The following VDAC1 variants were observed in gnomAD, a reference collection of about 807,000 sequenced individuals.
VDAC1 encodes voltage dependent anion channel 1.
VDAC1 carries 10 observed loss-of-function variants against 34.7 expected under a neutral mutation model. The ratio of observed to expected loss-of-function variants is 0.29; its 90% confidence interval spans 0.18 to 0.49. VDAC1 has a LOEUF of 0.49. Among genes scored for constraint, VDAC1 ranks in the 20% least tolerant of loss-of-function variants. The probability of loss-of-function intolerance (pLI) is 0.99; values close to 1 mark genes in which losing one functional copy is unlikely to be tolerated. For synonymous variants in VDAC1, 130 were observed against 136.0 expected (o/e 0.96, Z 0.30); for missense variants, 230 against 347.9 (o/e 0.66, Z 2.69).
the VDAC1 span, among the ~76,000 whole-genome samples, chr5:134,013,624 G>A: frequency 6.6e-6 from 1 of 152,094 alleles, no homozygotes; most frequent in South Asian, 2.1e-4. Flanking sequence ...AATTCAACAA[G>A]CAAAAAACAA....
intron 1 of VDAC1, among the ~76,000 whole-genome samples, chr5:134,001,813 T>C (rs573621780): frequency 6.6e-6 from 1 of 151,732 alleles, no homozygotes; most frequent in African/African-American, 2.4e-5. Context: ...ACCTGTGTTA[T>C]GGGCCTAAGC....
At position 133,990,989 on chromosome 5, in the gene VDAC1, C is replaced by G. The variant is rs1753081149; in HGVS notation, c.270+13G>C. ...GAATTAATAAATCCACATCTTTTCA[C>G]AGCAGCCATTACCTGATCTTCCACA... On this transcript the variant is annotated intron_variant, in intron 4 of 8. Coordinates refer to ENST00000265333, the MANE Select transcript of VDAC1 (RefSeq NM_003374.3). 4 of 1,613,448 alleles carry G rather than the reference C, an allele frequency of 2.5e-6. No homozygotes were observed. The highest frequency in any genetic ancestry group is 2.2e-5 in the South Asian group (2 of 91,006).
chr5:134,026,246 G>A, the VDAC1 span, among the ~76,000 whole-genome samples: 16 of 152,204 alleles, frequency 1.1e-4, no homozygotes, highest in African/African-American at 2.4e-4. Context: ...GGTGGCTCAC[G>A]CCTGTAATCC....
the VDAC1 span, among the ~76,000 whole-genome samples, chr5:134,048,061 G>A: frequency 7.9e-5 from 12 of 151,210 alleles, no homozygotes; most frequent in African/African-American, 2.2e-4. Context: ...TCCGCCTCCC[G>A]GGTTCACACC....
the VDAC1 span, among the ~76,000 whole-genome samples, chr5:134,077,676 T>G: frequency 6.6e-6 from 1 of 152,196 alleles, no homozygotes; most frequent in Non-Finnish European, 1.5e-5. Context: ...TACTTTCCAT[T>G]GTACAGAATG....
the VDAC1 span, among the ~76,000 whole-genome samples, chr5:134,030,486 G>C: frequency 1.2e-4 from 18 of 152,304 alleles, no homozygotes; most frequent in African/African-American, 4.3e-4. Context: ...TCCAGTGGCA[G>C]AGAGCTCACC....
At chr5:133,976,070 G>A (rs1158483144) in intron 6 of VDAC1, 49 bp from the exon 7 acceptor site, 1 of 1,611,338 alleles carries the variant, frequency 6.2e-7, no homozygotes, top group Non-Finnish European at 8.5e-7. Context: ...GAGGTGAGCT[G>A]CAGCCCAGAC....
chr5:134,003,356 A>G (rs923473154), intron 1 of VDAC1, among the ~76,000 whole-genome samples: 1 of 152,016 alleles, frequency 6.6e-6, no homozygotes, highest in African/African-American at 2.4e-5. Flanking sequence ...CCTTTCCCCT[A>G]TCTCCCCAGG....
the VDAC1 span, among the ~76,000 whole-genome samples, chr5:134,080,958 C>A: frequency 1.3e-5 from 2 of 152,146 alleles, no homozygotes; most frequent in South Asian, 4.2e-4. Context: ...TTCACTGCAA[C>A]CTCCACCTCC....
At chr5:134,002,362 C>T (rs925506627) in intron 1 of VDAC1, among the ~76,000 whole-genome samples, 1 of 152,148 alleles carries the variant, frequency 6.6e-6, no homozygotes, top group African/African-American at 2.4e-5. Context: ...GAGTAGTCCC[C>T]ACTACCCACA....
rs1384979254 is a variant in VDAC1, at chr5:133,971,987, C to A, written c.*784G>T. The A allele has an allele frequency of 6.6e-6, 1 of 152,276 alleles. No homozygotes were observed. Among genetic ancestry groups the A allele is most frequent in the Non-Finnish European group, 1.5e-5 (1 of 67,970 alleles). 9.4% of individuals were successfully genotyped at this position (152,276 alleles called of 1,614,324 possible). On this transcript the variant is annotated 3_prime_UTR_variant, in exon 9 of 9. Coordinates refer to ENST00000265333, the MANE Select transcript of VDAC1 (RefSeq NM_003374.3). The stretch of plus-strand genomic sequence containing the variant: ...GCATTTGAAGGGGAGGATCTAATTC[C>A]AACAAAATGGAAGACTCTAAAATGT...
chr5:134,054,849 G>C, the VDAC1 span, among the ~76,000 whole-genome samples: 1 of 152,160 alleles, frequency 6.6e-6, no homozygotes, highest in Non-Finnish European at 1.5e-5. Flanking sequence ...CACAGGAAGC[G>C]GCGACTGAGC....
the VDAC1 span, among the ~76,000 whole-genome samples, chr5:134,036,065 G>GGA: frequency 5.9e-5 from 9 of 151,348 alleles, no homozygotes; most frequent in African/African-American, 2.2e-4. Context: ...GTTGCAGGCA[G>GGA]GAATCATCAA....
the VDAC1 span, among the ~76,000 whole-genome samples, chr5:134,063,951 G>A: frequency 2.0e-5 from 3 of 149,472 alleles, no homozygotes; most frequent in Non-Finnish European, 4.4e-5. Flanking sequence ...CCCCTCCTCA[G>A]CCTCCCCAGT....
the VDAC1 span, among the ~76,000 whole-genome samples, chr5:134,020,611 A>C: frequency 6.6e-6 from 1 of 152,164 alleles, no homozygotes; most frequent in African/African-American, 2.4e-5. Context: ...AAAGGTATAT[A>C]AACATGCTGC....
the VDAC1 span, among the ~76,000 whole-genome samples, chr5:134,106,501 G>A: frequency 6.6e-6 from 1 of 150,780 alleles, no homozygotes; most frequent in Non-Finnish European, 1.5e-5. Context: ...TCTGCCTCCT[G>A]AGTTCAAGCG....
the VDAC1 span, among the ~76,000 whole-genome samples, chr5:134,034,239 G>A: frequency 6.6e-6 from 1 of 152,016 alleles, no homozygotes; most frequent in East Asian, 1.9e-4. Flanking sequence ...TTTTTCAGAA[G>A]AATATCGGCT....
At chr5:134,056,772 G>A in the VDAC1 span, among the ~76,000 whole-genome samples, 6 of 152,224 alleles carry the variant, frequency 3.9e-5, no homozygotes, top group South Asian at 4.1e-4. Context: ...CGCAACCTCC[G>A]CCTCCCAGGT....
At chr5:134,100,464 C>T in the VDAC1 span, among the ~76,000 whole-genome samples, 13 of 152,314 alleles carry the variant, frequency 8.5e-5, no homozygotes, top group South Asian at 6.2e-4. Flanking sequence ...CGCGGCACCC[C>T]GTGACAGACA....
Sources: allele counts gnomAD v4.1 joint callset (sites outside exome capture counted in the v4.1 genomes callset), GRCh38; gene constraint gnomAD v4.1.1; transcripts MANE v1.5; gene names NCBI Gene and HGNC (gene_info 2026-07-23, HGNC 2026-07-21).